SMAD6: variants seen among roughly 807,000 people sequenced by gnomAD.
The protein encoded by SMAD6 is MAD homolog 6.
A neutral mutation model predicts 39.4 loss-of-function variants in SMAD6; 103 were observed. The ratio of observed to expected loss-of-function variants is 2.62; its 90% CI spans 2.23 to 3.08. The LOEUF is 3.08. Among genes scored for constraint, SMAD6 ranks in the 30% most tolerant of loss-of-function variants. SMAD6 has a pLI of 0.00. For missense variants in SMAD6, 1,104 were observed against 742.9 expected (o/e 1.49, Z -5.65); for synonymous variants, 445 against 353.3 (o/e 1.26, Z -2.91).
intron 3 of SMAD6, among the ~76,000 whole-genome samples, chr15:66,746,459 T>C (rs990784967): frequency 2.7e-5 from 4 of 148,862 alleles, no homozygotes; most frequent in Non-Finnish European, 6.0e-5. Context: ...AGCCTATTGT[T>C]CCCCCTGCTG....
intron 3 of SMAD6, among the ~76,000 whole-genome samples, chr15:66,729,443 C>T (rs550550992): frequency 1.3e-5 from 2 of 152,366 alleles, no homozygotes; most frequent in African/African-American, 2.4e-5. Context: ...CGGGAGCAGC[C>T]GGCCGGGTCT....
chr15:66,781,368 G>A lies in SMAD6; in HGVS notation c.1324G>A (p.Glu442Lys), dbSNP rs778302338. 8.8e-6 allele frequency: 14 copies of A among 1,599,758 alleles called. No homozygotes were observed. Among genetic ancestry groups the A allele is most frequent in the Admixed American group, 3.3e-5 (2 of 59,714 alleles). The stretch of plus-strand genomic sequence containing the variant: ...CTACTCCATCAAGGTGTTCGACTTC[G>A]AGCGCTCGGGCCTGCAGCACGCGCC... ...PGYSIKVFDF[E>K]RSGLQHAPEP... The change falls in exon 4 of 4, where the codon GAG becomes AAG. Residue 442 changes from glutamate to lysine, a missense_variant. Glu to Lys is a moderately conservative substitution (Grantham distance 56). Transcript: ENST00000288840.
At chr15:66,768,891 C>T (rs1189628942) in intron 3 of SMAD6, among the ~76,000 whole-genome samples, 2 of 152,292 alleles carry the variant, frequency 1.3e-5, no homozygotes, top group East Asian at 1.9e-4. Context: ...GGAGAGCAAG[C>T]CAGCTGAATC....
At position 66,781,244 on chromosome 15, in the gene SMAD6, G is replaced by A. The variant is rs1291638130; in HGVS notation, c.1200G>A (p.Val400=). Residue 400 remains valine, a synonymous_variant, in exon 4 of 4, where the codon GTG becomes GTA. Coordinates refer to ENST00000288840, the MANE Select transcript of SMAD6 (RefSeq NM_005585.5). ...TGCTCAGCAAGGAGCCCGACGGCGT[G>A]TGGGCCTACAACCGCGGCGAGCACC... ...GILLSKEPDG[V]WAYNRGEHPI... is the part of the protein sequence containing the mutation. 1 of 1,608,722 alleles carries A rather than the reference G, an allele frequency of 6.2e-7. No homozygotes were observed. The highest frequency in any genetic ancestry group is 1.1e-5 in the South Asian group (1 of 91,072).
chr15:66,776,069 C>T (rs1894463009), intron 3 of SMAD6, among the ~76,000 whole-genome samples: 1 of 152,252 alleles, frequency 6.6e-6, no homozygotes, highest in Non-Finnish European at 1.5e-5. Flanking sequence ...GGAGCTAAAG[C>T]AGGGCTCATT....
rs1222256121 is a variant in SMAD6 at position 66,719,901 on chromosome 15, G to A, written c.952+3403G>A. The stretch of plus-strand genomic sequence containing the variant: ...TAGAGGGGGCAAGTGGCTTCACCAA[G>A]GTCACTGGGGAGGGGGGTGGTGGAG... On this transcript the variant is annotated intron_variant, in intron 3 of 3. Coordinates refer to ENST00000288840, the MANE Select transcript of SMAD6 (RefSeq NM_005585.5). Among the ~76,000 whole-genome samples, 3 of 152,180 alleles carry A rather than the reference G, an allele frequency of 2.0e-5. No homozygotes were observed. The East Asian group carries it at 5.8e-4, about 29-fold the overall frequency.
intron 3 of SMAD6, among the ~76,000 whole-genome samples, chr15:66,774,344 C>T (rs1021256180): frequency 1.3e-5 from 2 of 152,206 alleles, no homozygotes; most frequent in Non-Finnish European, 2.9e-5. Flanking sequence ...CTGCAGTCAG[C>T]TCCCTTGGTG....
chr15:66,729,281 T>C (rs1287260899), intron 3 of SMAD6, among the ~76,000 whole-genome samples: 1 of 151,968 alleles, frequency 6.6e-6, no homozygotes, highest in Non-Finnish European at 1.5e-5. Context: ...GATTTTAAGC[T>C]CCATAATGTC....
At chr15:66,707,862 T>C (rs1893149440) in intron 1 of SMAD6, 1 of 152,296 alleles carries the variant, frequency 6.6e-6, no homozygotes, top group South Asian at 2.1e-4. Flanking sequence ...AGCAAGATGC[T>C]GAGCTGGAAA....
At position 66,722,772 on chromosome 15, in the gene SMAD6, G is replaced by C. The variant is rs139389714; in HGVS notation, c.952+6274G>C. The stretch of plus-strand genomic sequence containing the variant: ...TTCCTGGGCTGGGTAGAGGTGTGAG[G>C]GGGGGTCGGCAGGAGTGATGGGGGT... On this transcript the variant is annotated intron_variant, in intron 3 of 3. Transcript: ENST00000288840. Among the ~76,000 whole-genome samples, 194 of 152,264 alleles carry C rather than the reference G, an allele frequency of 1.3e-3. 2 individuals are homozygous for C. The highest frequency in any genetic ancestry group is 4.5e-3 in the African/African-American group (188 of 41,544).
intron 1 of SMAD6, chr15:66,706,757 C>T (rs62005623): frequency 0.24 from 36,254 of 152,524 alleles, 4,346 homozygotes; most frequent in Middle Eastern, 0.35. Context: ...TCCGCACCTT[C>T]ACCGACCACT....
intron 3 of SMAD6, among the ~76,000 whole-genome samples, chr15:66,718,053 G>C (rs1046514789): frequency 6.6e-6 from 1 of 151,474 alleles, no homozygotes; most frequent in African/African-American, 2.4e-5. Flanking sequence ...TTGGTTGTCT[G>C]GACAGATGGG....
intron 3 of SMAD6, among the ~76,000 whole-genome samples, chr15:66,716,796 C>T (rs1284304467): frequency 6.6e-6 from 1 of 152,230 alleles, no homozygotes; most frequent in African/African-American, 2.4e-5. Flanking sequence ...CTCTCCCTTT[C>T]GTGTTTAGAA....
intron 2 of SMAD6, 109 bp from the exon 3 acceptor site, chr15:66,716,312 A>C: frequency 1.3e-6 from 1 of 797,578 alleles, no homozygotes; most frequent in Non-Finnish European, 2.2e-6. Context: ...TGCCCTTTGC[A>C]AGCACACACA....
intron 3 of SMAD6, among the ~76,000 whole-genome samples, chr15:66,718,555 A>G (rs1893375697): frequency 6.6e-6 from 1 of 152,194 alleles, no homozygotes; most frequent in African/African-American, 2.4e-5. Context: ...GAGGTCTTGA[A>G]GGACTTTGGT....
chr15:66,721,218 C>A (rs1893426311), intron 3 of SMAD6, among the ~76,000 whole-genome samples: 1 of 150,124 alleles, frequency 6.7e-6, no homozygotes, highest in South Asian at 2.1e-4. Flanking sequence ...TGGATCCACA[C>A]TGCTTACCCA....
intron 3 of SMAD6, among the ~76,000 whole-genome samples, chr15:66,756,376 T>G (rs1283162231): frequency 6.6e-6 from 1 of 152,218 alleles, no homozygotes; most frequent in Non-Finnish European, 1.5e-5. Flanking sequence ...TCTTTCAGAA[T>G]TTTTGCCAAC....
chr15:66,739,413 C>T (rs1893774046), intron 3 of SMAD6, among the ~76,000 whole-genome samples: 1 of 152,192 alleles, frequency 6.6e-6, no homozygotes, highest in Non-Finnish European at 1.5e-5. Flanking sequence ...TAACTGCCAA[C>T]ACAGAGCCCC....
intron 3 of SMAD6, among the ~76,000 whole-genome samples, chr15:66,733,496 G>C (rs1567101815): frequency 6.6e-6 from 1 of 152,090 alleles, no homozygotes; most frequent in Non-Finnish European, 1.5e-5. Flanking sequence ...TCAACACACA[G>C]ATCTTGCACA....
Sources: gnomAD v4.1 joint callset for allele counts (sites outside exome capture counted in the v4.1 genomes callset) on GRCh38, gnomAD v4.1.1 for gene constraint, MANE v1.5 for transcripts, NCBI Gene and HGNC (gene_info 2026-07-23, HGNC 2026-07-21) for gene names.